The following RASL12 variants were observed in gnomAD, a reference collection of about 807,000 sequenced individuals.
RASL12 encodes ras-like protein family member 12.
A neutral mutation model predicts 22.9 loss-of-function variants in RASL12; 16 were observed. The observed-to-expected ratio is 0.70, with a 90% CI of 0.47 to 1.06. The LOEUF is 1.06. Among genes scored for constraint, RASL12 ranks in the 50% least tolerant of loss-of-function variants. The pLI, the probability that RASL12 is intolerant of heterozygous loss-of-function variation, is 0.00. For missense variants in RASL12, 306 were observed against 353.1 expected (o/e 0.87, Z 1.07); for synonymous variants, 159 against 152.2 (o/e 1.04, Z -0.33).
rs528502893 is a variant in RASL12, at chr15:65,053,346, T to TA, written c.*1552dup. 42 of 1,416,128 alleles carry TA rather than the reference T, an allele frequency of 3.0e-5. No homozygotes were observed. The highest frequency in any genetic ancestry group is 4.8e-5 in the South Asian group (3 of 62,612). The allele number at this position is 1,416,128 out of a possible 1,614,324, so 87.7% of individuals were successfully genotyped here. A position where few individuals can be genotyped will look rare whatever the true frequency, so the allele number is the denominator to read the frequency against. On this transcript the variant is annotated 3_prime_UTR_variant, in exon 5 of 5. Coordinates refer to ENST00000220062, the MANE Select transcript of RASL12 (RefSeq NM_016563.4). Reference sequence around the variant, plus strand: ...TGCAAGCAAACTAAAATTCTGTTATTAAAAAAAATCTTTTATTAAAATGCT... The same window carrying TA: ...TGCAAGCAAACTAAAATTCTGTTATTAAAAAAAAATCTTTTATTAAAATGCT...
downstream of RASL12, chr15:65,049,971 G>A (rs183795734): frequency 4.2e-4 from 642 of 1,530,072 alleles, 3 homozygotes; most frequent in African/African-American, 6.9e-3. Context: ...AGGGGTCTAA[G>A]GACCTCGTTG....
At chr15:65,065,613 G>A (rs2086866783) in intron 1 of RASL12, among the ~76,000 whole-genome samples, 1 of 152,200 alleles carries the variant, frequency 6.6e-6, no homozygotes, top group Non-Finnish European at 1.5e-5. Flanking sequence ...AACCTCAACT[G>A]AAGGGAGGTG....
Position 65,055,067 on chromosome 15 carries a change from G to A in RASL12, c.633C>T (p.Thr211=), listed in dbSNP as rs2232762. The change falls in exon 5 of 5, where the codon ACC becomes ACT. Residue 211 remains threonine, a synonymous_variant. Transcript: ENST00000220062. Reference sequence around the variant, plus strand: ...TGCAGCTGGCCAGCCCATGCCGCGCGGTGAGCGGGGCCTGGTGGGGCAGGG... The same window carrying A: ...TGCAGCTGGCCAGCCCATGCCGCGCAGTGAGCGGGGCCTGGTGGGGCAGGG... ...ERALPHQAPL[T]ARHGLASCTF... is the part of the protein sequence containing the mutation. 0.4 allele frequency: 648,007 copies of A among 1,611,800 alleles called. 136,139 individuals are homozygous for A. The highest frequency in any genetic ancestry group is 0.8 in the East Asian group (35,773 of 44,786).
chr15:65,048,646 C>T (rs1951105554), downstream of RASL12, among the ~76,000 whole-genome samples: 1 of 152,160 alleles, frequency 6.6e-6, no homozygotes, highest in Admixed American at 6.5e-5. Flanking sequence ...CGTTTATCTC[C>T]ATTCCTACTC....
intron 2 of RASL12, among the ~76,000 whole-genome samples, chr15:65,064,975 G>A (rs1409514227): frequency 6.6e-6 from 1 of 152,160 alleles, no homozygotes; most frequent in Non-Finnish European, 1.5e-5. Context: ...TCATATTTTA[G>A]GGTAAATCAG....
At chr15:65,051,999 C>G (rs1269062425), downstream of RASL12, among the ~76,000 whole-genome samples, 1 of 152,144 alleles carries the variant, frequency 6.6e-6, no homozygotes, top group East Asian at 1.9e-4. Context: ...TCTAGGCAGA[C>G]AGCTTACCAC....
chr15:65,067,376 G>C (rs2086890417), intron 1 of RASL12, among the ~76,000 whole-genome samples: 1 of 152,046 alleles, frequency 6.6e-6, no homozygotes, highest in East Asian at 1.9e-4. Flanking sequence ...GGTGGGGGTT[G>C]GAAGGTTGGT....
chr15:65,052,454 G>A (rs1347249115), downstream of RASL12, among the ~76,000 whole-genome samples: 3 of 139,946 alleles, frequency 2.1e-5, no homozygotes, highest in East Asian at 2.2e-4. Context: ...AGGATGGAGT[G>A]CAGTGGCACA....
intron 1 of RASL12, among the ~76,000 whole-genome samples, chr15:65,074,814 C>A (rs2086953764): frequency 5.3e-5 from 8 of 152,262 alleles, no homozygotes; most frequent in Admixed American, 5.2e-4. Context: ...CCGCACGCTG[C>A]AGGTGCACGG....
In RASL12 at chr15:65,058,517, T is replaced by G. The variant is rs1408848272; in HGVS notation, c.335A>C (p.Tyr112Ser). The G allele has an allele frequency of 1.9e-6, 3 of 1,611,554 alleles. No individual in the cohort carries two copies. The highest frequency in any genetic ancestry group is 1.3e-5 in the African/African-American group (1 of 74,914). Residue 112 changes from tyrosine (Y) to serine (S), a missense_variant, in exon 4 of 5, where the codon TAC (tyrosine) becomes TCC (serine). By Grantham distance (144) the Tyr-to-Ser change is moderately radical. Coordinates refer to ENST00000220062, the MANE Select transcript of RASL12 (RefSeq NM_016563.4). ...CGCGTGCAAGGCAAGCAGCTCCAGG[T>G]AGCTGCTGCTGCTATCAAAGCTCTG... is the stretch of plus-strand genomic sequence containing the variant. ...SRQSFDSSSS[Y>S]LELLALHAKE...
chr15:65,075,665 T>TG (rs1020441060), intron 1 of RASL12, among the ~76,000 whole-genome samples: 1 of 151,984 alleles, frequency 6.6e-6, no homozygotes, highest in Non-Finnish European at 1.5e-5. Flanking sequence ...GGTGGGGCCC[T>TG]GGAGAACCTT....
At chr15:65,066,915 C>A (rs916221697) in intron 1 of RASL12, among the ~76,000 whole-genome samples, 2 of 152,226 alleles carry the variant, frequency 1.3e-5, no homozygotes, top group African/African-American at 2.4e-5. Flanking sequence ...TCTGCCCTCC[C>A]TCCTTCAGCC....
chr15:65,076,663 C>A, exon 1 of RASL12: 2 of 765,864 alleles, frequency 2.6e-6, no homozygotes, highest in South Asian at 3.1e-5. Flanking sequence ...AGCCATACAG[C>A]CTGCGGGCCA....
intron 2 of RASL12, among the ~76,000 whole-genome samples, chr15:65,060,768 C>A (rs2140523205): frequency 6.6e-6 from 1 of 152,336 alleles, no homozygotes; most frequent in Admixed American, 6.5e-5. Flanking sequence ...ACGCCCCCAA[C>A]CCTGGCTGAA....
chr15:65,074,400 T>TG, intron 1 of RASL12, among the ~76,000 whole-genome samples: 3 of 60,564 alleles, frequency 5.0e-5, no homozygotes, highest in Admixed American at 2.2e-4. Flanking sequence ...TTTTAATTAA[T>TG]TTTTTTTTTT....
rs2086692796 is a variant in RASL12, at chr15:65,053,931, T to C, written c.*968A>G. 1 of 985,740 alleles carries C rather than the reference T, an allele frequency of 1.0e-6. No individual in the cohort carries two copies. Among genetic ancestry groups the C allele is most frequent in the Admixed American group, 6.1e-5 (1 of 16,266 alleles). 61.1% of individuals were successfully genotyped at this position (985,740 alleles called of 1,614,324 possible). On this transcript the variant is annotated 3_prime_UTR_variant, in exon 5 of 5. Coordinates refer to ENST00000220062, the MANE Select transcript of RASL12 (RefSeq NM_016563.4). ...TTTGCTTTATTAACCCAAAATGCTT[T>C]AGGTTCTAAAGTGGGCTTTGAACAC... is the stretch of plus-strand genomic sequence containing the variant.
intron 1 of RASL12, among the ~76,000 whole-genome samples, chr15:65,065,566 G>A (rs1243572734): frequency 6.6e-6 from 1 of 152,100 alleles, no homozygotes; most frequent in Non-Finnish European, 1.5e-5. Context: ...CAGGGGTCAG[G>A]ACCCATGCAA....
At chr15:65,067,188 G>A (rs1180248914) in intron 1 of RASL12, among the ~76,000 whole-genome samples, 2 of 152,104 alleles carry the variant, frequency 1.3e-5, no homozygotes, top group African/African-American at 2.4e-5. Flanking sequence ...TCCCTTCTAC[G>A]GGGAGGGGGT....
chr15:65,075,108 C>G (rs556284255), intron 1 of RASL12, among the ~76,000 whole-genome samples: 26 of 152,356 alleles, frequency 1.7e-4, no homozygotes, highest in African/African-American at 5.8e-4. Flanking sequence ...TGGCGGGCCC[C>G]GCACTCGGAG....
Sources: gnomAD v4.1 joint callset for allele counts (sites outside exome capture counted in the v4.1 genomes callset) on GRCh38, gnomAD v4.1.1 for gene constraint, MANE v1.5 for transcripts, NCBI Gene and HGNC (gene_info 2026-07-23, HGNC 2026-07-21) for gene names.